Variants in CLIP2 observed in about 807,000 individuals in gnomAD.
CLIP2 encodes CAP-Gly domain-containing linker protein 2.
Under a neutral mutation model 111.7 loss-of-function variants are expected in CLIP2, and 41 were observed. The observed-to-expected ratio is 0.37, with a 90% CI of 0.29 to 0.48. The LOEUF is 0.48. Ranked by LOEUF, CLIP2 falls within the 20% of genes least tolerant of loss-of-function variation. The probability of loss-of-function intolerance (pLI) is 0.99; values close to 1 mark genes in which losing one functional copy is unlikely to be tolerated. For missense variants in CLIP2, 1,160 were observed against 1,422.1 expected, an observed-to-expected ratio of 0.82 and a Z score of 2.96; for synonymous variants, 660 against 644.2, an observed-to-expected ratio of 1.02 and a Z score of -0.37.
chr7:74,296,077 C>G (rs1364857012), intron 1 of CLIP2, among the ~76,000 whole-genome samples: 3 of 151,656 alleles, frequency 2.0e-5, no homozygotes, highest in Non-Finnish European at 2.9e-5. Context: ...GACTGGTGTC[C>G]TCATCCAATA....
chr7:74,317,239 T>G (rs1424233017), intron 1 of CLIP2, among the ~76,000 whole-genome samples: 2 of 151,892 alleles, frequency 1.3e-5, no homozygotes, highest in African/African-American at 4.8e-5. Context: ...TATAAGAGGG[T>G]AAGGCAATAG....
intron 13 of CLIP2, among the ~76,000 whole-genome samples, chr7:74,390,202 AAAGAAAGAAAGAAAGAAAGAAAGG>A (rs1554315624): frequency 0.021 from 2,192 of 103,788 alleles, 43 homozygotes; most frequent in South Asian, 0.039. Flanking sequence ...AGAAAGAAAG[AAAGAAAGAAAGAAAGAAAGAAAGG>A]ATTAATGCCT....
At chr7:74,328,495 T>C (rs1300801951) in intron 2 of CLIP2, among the ~76,000 whole-genome samples, 1 of 151,554 alleles carries the variant, frequency 6.6e-6, no homozygotes, top group Non-Finnish European at 1.5e-5. Flanking sequence ...GTTCTGGGGG[T>C]GTGCAGACAT....
intron 3 of CLIP2, among the ~76,000 whole-genome samples, chr7:74,346,729 A>C (rs563450250): frequency 0.011 from 1,030 of 93,412 alleles, 6 homozygotes; most frequent in Middle Eastern, 0.05. Flanking sequence ...AAAAAAAAAA[A>C]AAAAAAAAAA....
At chr7:74,298,356 G>GTTTTTTTTT (rs35535113) in intron 1 of CLIP2, among the ~76,000 whole-genome samples, 6 of 109,610 alleles carry the variant, frequency 5.5e-5, no homozygotes, top group Admixed American at 1.0e-4. Flanking sequence ...CTGCTAATTG[G>GTTTTTTTTT]TTTTTTTTTT....
At chr7:74,358,716 C>T (rs1049456946) in intron 6 of CLIP2, among the ~76,000 whole-genome samples, 3 of 151,730 alleles carry the variant, frequency 2.0e-5, no homozygotes, top group Non-Finnish European at 2.9e-5. Flanking sequence ...ACTATAGGTG[C>T]ACGCTACCAC....
chr7:74,367,983 C>T (rs781887108), intron 8 of CLIP2, among the ~76,000 whole-genome samples: 4 of 151,984 alleles, frequency 2.6e-5, no homozygotes, highest in African/African-American at 4.8e-5. Context: ...GAAGCCAAGG[C>T]GGGAGGATTG....
intron 2 of CLIP2, among the ~76,000 whole-genome samples, chr7:74,318,610 G>A (rs1788855048): frequency 6.6e-6 from 1 of 152,192 alleles, no homozygotes; most frequent in East Asian, 1.9e-4. Context: ...CTACTTGGGA[G>A]GCTAAGGCAG....
chr7:74,323,029 C>T (rs1443516302), intron 2 of CLIP2, among the ~76,000 whole-genome samples: 5 of 151,788 alleles, frequency 3.3e-5, no homozygotes, highest in South Asian at 2.1e-4. Context: ...GCGCCTGGCC[C>T]GTTTATCTTT....
chr7:74,346,460 C>T (rs370167630), intron 3 of CLIP2, among the ~76,000 whole-genome samples: 4 of 152,132 alleles, frequency 2.6e-5, no homozygotes, highest in Non-Finnish European at 4.4e-5. Context: ...CAGTGGCTCA[C>T]GCCTATAATC....
At chr7:74,300,791 G>C (rs996756774) in intron 1 of CLIP2, among the ~76,000 whole-genome samples, 2 of 152,122 alleles carry the variant, frequency 1.3e-5, no homozygotes, top group Admixed American at 6.6e-5. Flanking sequence ...GTGGCATTCC[G>C]TGGTAGACAT....
intron 8 of CLIP2, among the ~76,000 whole-genome samples, chr7:74,368,527 A>T (rs1486983331): frequency 2.0e-5 from 3 of 148,246 alleles, no homozygotes; most frequent in African/African-American, 7.8e-5. Flanking sequence ...AAAATAAATA[A>T]ATAAATAAAT....
chr7:74,382,728 G>A (rs1391488285), intron 11 of CLIP2, among the ~76,000 whole-genome samples: 1 of 151,686 alleles, frequency 6.6e-6, no homozygotes, highest in Non-Finnish European at 1.5e-5. Context: ...TCCCCACTTT[G>A]TCATTTGCCT....
chr7:74,403,185 C>T (rs1179463349), intron 16 of CLIP2, among the ~76,000 whole-genome samples: 1 of 143,750 alleles, frequency 7.0e-6, no homozygotes, highest in Non-Finnish European at 1.5e-5. Context: ...TGCCACTGCA[C>T]TCTAGCCTGA....
chr7:74,392,900 G>A (rs1791332995), intron 13 of CLIP2, among the ~76,000 whole-genome samples: 1 of 152,164 alleles, frequency 6.6e-6, no homozygotes, highest in South Asian at 2.1e-4. Flanking sequence ...TTCCAGCATG[G>A]CGATCACCCC....
chr7:74,358,760 G>A (rs1267723676), intron 6 of CLIP2, among the ~76,000 whole-genome samples: 3 of 151,612 alleles, frequency 2.0e-5, no homozygotes, highest in Admixed American at 6.6e-5. Flanking sequence ...TTGTGGAGAC[G>A]GAGTCTTGCT....
chr7:74,348,963 A>G (rs1584349035), intron 3 of CLIP2, among the ~76,000 whole-genome samples: 1 of 150,958 alleles, frequency 6.6e-6, no homozygotes, highest in African/African-American at 2.4e-5. Context: ...CCTGGGCAAC[A>G]TGGTGAAACC....
chr7:74,290,800 A>T (rs1185503647), intron 1 of CLIP2, among the ~76,000 whole-genome samples: 1 of 152,040 alleles, frequency 6.6e-6, no homozygotes. Flanking sequence ...TAAGCCCTTC[A>T]TTCAGCTGCT....
chr7:74,307,738 G>A (rs1406951066), intron 1 of CLIP2, among the ~76,000 whole-genome samples: 3 of 152,090 alleles, frequency 2.0e-5, no homozygotes, highest in South Asian at 2.1e-4. Context: ...TGATCTGCCC[G>A]CCTCAGCCTC....
Sources: gnomAD v4.1 joint callset for allele counts (sites outside exome capture counted in the v4.1 genomes callset) on GRCh38, gnomAD v4.1.1 for gene constraint, MANE v1.5 for transcripts, NCBI Gene and HGNC (gene_info 2026-07-23, HGNC 2026-07-21) for gene names.